Variants in AMD1 observed in about 807,000 individuals in gnomAD.
The protein encoded by AMD1 is adenosylmethionine decarboxylase 1.
A neutral mutation model predicts 40.2 loss-of-function variants in AMD1; 11 were observed. The observed-to-expected ratio is 0.27, with a 90% CI of 0.17 to 0.45. AMD1 has a LOEUF of 0.45. Ranked by LOEUF, AMD1 falls within the 20% of genes least tolerant of loss-of-function variation. The pLI, the probability that AMD1 is intolerant of heterozygous loss-of-function variation, is 1.00. For missense variants in AMD1, 257 were observed against 410.2 expected (o/e 0.63, Z 3.23); for synonymous variants, 121 against 130.8 (o/e 0.93, Z 0.51).
chr6:110,866,782 T>A, the AMD1 span, among the ~76,000 whole-genome samples: 1 of 151,988 alleles, frequency 6.6e-6, no homozygotes, highest in African/African-American at 2.4e-5. Context: ...AAGCCATATA[T>A]GGTGGTATCG....
chr6:110,860,801 G>GA, the AMD1 span, among the ~76,000 whole-genome samples: 3 of 139,988 alleles, frequency 2.1e-5, no homozygotes, highest in East Asian at 2.2e-4. Flanking sequence ...CTCCATCTCA[G>GA]AAAAAAAACA....
chr6:110,884,546 A>G (rs1785583332), intron 1 of AMD1, among the ~76,000 whole-genome samples: 2 of 152,108 alleles, frequency 1.3e-5, no homozygotes, highest in African/African-American at 2.4e-5. Context: ...CAAACTTCCC[A>G]CATCAGCCTA....
Position 110,874,801 on chromosome 6 carries a change from C to A in AMD1, c.-305C>A, listed in dbSNP as rs571885251. ...AGCGCTCTCGCTTACACAGTATGGC[C>A]GGCGACATTAGCTAGCGCTCGCTCT... On this transcript the variant is annotated 5_prime_UTR_variant, in exon 1 of 9. Coordinates refer to ENST00000368885, the MANE Select transcript of AMD1 (RefSeq NM_001634.6). 5 of 288,140 alleles carry A rather than the reference C, an allele frequency of 1.7e-5. No individual in the cohort carries two copies. The highest frequency in any genetic ancestry group is 1.5e-4 in the Admixed American group (3 of 20,330). The allele number at this position is 288,140 out of a possible 1,614,324, so 17.8% of individuals were successfully genotyped here.
At chr6:110,822,517 G>A in the AMD1 span, among the ~76,000 whole-genome samples, 1 of 151,918 alleles carries the variant, frequency 6.6e-6, no homozygotes, top group Non-Finnish European at 1.5e-5. Flanking sequence ...AATTCCAAAA[G>A]ATTGTGAAAG....
the AMD1 span, among the ~76,000 whole-genome samples, chr6:110,853,232 C>T: frequency 5.8e-3 from 875 of 151,886 alleles, 3 homozygotes; most frequent in Non-Finnish European, 0.011. Context: ...GAGCAATTCT[C>T]CTGCGTCAGC....
At position 110,875,210 on chromosome 6, in the gene AMD1, C is replaced by CTA; in HGVS notation, c.105_106insTA (p.Pro36TyrfsTer10). The CTA allele has an allele frequency of 6.2e-7, 1 of 1,607,836 alleles. No individual in the cohort carries two copies. The highest frequency in any genetic ancestry group is 1.7e-5 in the Admixed American group (1 of 59,098). On this transcript the variant is annotated frameshift_variant, in exon 1 of 9. Coordinates refer to ENST00000368885, the MANE Select transcript of AMD1 (RefSeq NM_001634.6). LOFTEE classifies it high-confidence loss of function. ...AAGGATCTGGGGATCTTCGCACTAT[C>CTA]CCAAGGTGGGTCCCCGGGGCGCTCG...
chr6:110,845,213 A>G, the AMD1 span, among the ~76,000 whole-genome samples: 1 of 151,806 alleles, frequency 6.6e-6, no homozygotes, highest in Admixed American at 6.6e-5. Context: ...TAATTTTTGT[A>G]TTTTTAGTAG....
At chr6:110,816,963 G>A in the AMD1 span, among the ~76,000 whole-genome samples, 1 of 152,154 alleles carries the variant, frequency 6.6e-6, no homozygotes, top group African/African-American at 2.4e-5. Context: ...TATTTTGTGG[G>A]ACTCTTGTGC....
chr6:110,836,231 A>G, the AMD1 span, among the ~76,000 whole-genome samples: 5 of 152,162 alleles, frequency 3.3e-5, no homozygotes, highest in African/African-American at 9.6e-5. Flanking sequence ...GCAAAGATAC[A>G]TGAACAACAA....
upstream of AMD1, among the ~76,000 whole-genome samples, chr6:110,874,492 C>T (rs1005741398): frequency 2.0e-5 from 3 of 151,486 alleles, no homozygotes; most frequent in Non-Finnish European, 4.4e-5. Context: ...CACAGCCTTT[C>T]CTCATTCCGT....
chr6:110,871,162 G>T (rs914144436), upstream of AMD1, among the ~76,000 whole-genome samples: 1 of 152,206 alleles, frequency 6.6e-6, no homozygotes, highest in East Asian at 1.9e-4. Flanking sequence ...TTGAAGGCCA[G>T]GGTAAGAAAT....
Position 110,877,521 on chromosome 6 carries a change from G to C in AMD1, c.110+2306G>C, listed in dbSNP as rs142681573. 2.3e-3 allele frequency among the ~76,000 whole-genome samples: 357 copies of C among 152,378 alleles called. 1 individual carries two copies. Among genetic ancestry groups the C allele is most frequent in the African/African-American group, 8.2e-3 (340 of 41,590 alleles). ...ATAATCGGTCATCTAGAAGAATAAA[G>C]CGTGACATGTTTTACTCAAATGACG... On this transcript the variant is annotated intron_variant, in intron 1 of 8. Coordinates refer to ENST00000368885, the MANE Select transcript of AMD1 (RefSeq NM_001634.6).
the AMD1 span, among the ~76,000 whole-genome samples, chr6:110,828,520 A>C: frequency 1.3e-5 from 2 of 152,224 alleles, no homozygotes; most frequent in East Asian, 1.9e-4. Flanking sequence ...CAGTTTGTCC[A>C]AGTCTAAAGG....
the AMD1 span, among the ~76,000 whole-genome samples, chr6:110,844,360 G>T: frequency 2.1e-4 from 31 of 151,076 alleles, no homozygotes; most frequent in Non-Finnish European, 3.8e-4. Flanking sequence ...GTTTTGTCAT[G>T]TTGGTCTCGC....
In AMD1 at chr6:110,892,305, A is replaced by G. The variant is rs1354418636; in HGVS notation, c.477A>G (p.Leu159=). ...MGRMNSDCWY[L]YTLDFPESRV... is the part of the protein sequence containing the mutation. Reference sequence around the variant, plus strand: ...ATTTTTAATTTTTATTTAGGTACTTATATACTCTGGATTTCCCAGAGAGTC... The same window carrying G: ...ATTTTTAATTTTTATTTAGGTACTTGTATACTCTGGATTTCCCAGAGAGTC... The change falls in exon 6 of 9, where the codon TTA becomes TTG. Residue 159 remains leucine (L), a synonymous_variant. Coordinates refer to ENST00000368885, the MANE Select transcript of AMD1 (RefSeq NM_001634.6). 2 of 1,613,914 alleles carry G rather than the reference A, an allele frequency of 1.2e-6. No homozygotes were observed. Among genetic ancestry groups the G allele is most frequent in the Non-Finnish European group, 1.7e-6 (2 of 1,180,010 alleles).
chr6:110,877,870 G>A (rs1785199366), intron 1 of AMD1, among the ~76,000 whole-genome samples: 1 of 152,098 alleles, frequency 6.6e-6, no homozygotes, highest in Admixed American at 6.6e-5. Context: ...AAACAAATCT[G>A]TTTATAAAGC....
chr6:110,846,013 G>A, the AMD1 span, among the ~76,000 whole-genome samples: 16 of 152,084 alleles, frequency 1.1e-4, no homozygotes, highest in Non-Finnish European at 1.8e-4. Context: ...AGGCCAAGGA[G>A]GGTGGATCAC....
the AMD1 span, among the ~76,000 whole-genome samples, chr6:110,816,885 G>A: frequency 1.3e-5 from 2 of 152,168 alleles, no homozygotes; most frequent in African/African-American, 4.8e-5. Flanking sequence ...ACCATGCCGG[G>A]CCCCACTTCC....
At chr6:110,845,000 C>T in the AMD1 span, among the ~76,000 whole-genome samples, 13 of 150,020 alleles carry the variant, frequency 8.7e-5, no homozygotes, top group Non-Finnish European at 1.6e-4. Context: ...AGAAAGCAAG[C>T]GCAAGCACGA....
Sources: gnomAD v4.1 joint callset for allele counts (sites outside exome capture counted in the v4.1 genomes callset) on GRCh38, gnomAD v4.1.1 for gene constraint, MANE v1.5 for transcripts, NCBI Gene and HGNC (gene_info 2026-07-23, HGNC 2026-07-21) for gene names.